PRDM16: variants seen among roughly 807,000 people sequenced by gnomAD.
The protein encoded by PRDM16 is PR/SET domain 16.
In PRDM16, 23 loss-of-function variants were observed where a neutral mutation model predicts 110.6. That is an observed-to-expected ratio of 0.21 (90% CI 0.15 to 0.29). PRDM16 has a LOEUF of 0.29. PRDM16 is among the 10% of genes least tolerant of loss of function. The probability of loss-of-function intolerance (pLI) is 1.00; values close to 1 mark genes in which losing one functional copy is unlikely to be tolerated. For missense variants in PRDM16, 1,615 were observed against 1,794.3 expected, an observed-to-expected ratio of 0.90 and a Z score of 1.81; for synonymous variants, 799 against 781.8, an observed-to-expected ratio of 1.02 and a Z score of -0.37.
At chr1:3,325,152 G>GTC (rs1281343668) in intron 3 of PRDM16, among the ~76,000 whole-genome samples, 4 of 152,334 alleles carry the variant, frequency 2.6e-5, no homozygotes, top group African/African-American at 9.6e-5. Flanking sequence ...AAACCCCCAG[G>GTC]TCCTTCTGAG....
intron 2 of PRDM16, among the ~76,000 whole-genome samples, chr1:3,194,172 G>A (rs903245848): frequency 6.6e-6 from 1 of 152,222 alleles, no homozygotes; most frequent in Non-Finnish European, 1.5e-5. Context: ...GCACTCGTCT[G>A]GCCTTCTGCA....
chr1:3,348,160 T>C (rs1448300516), intron 3 of PRDM16, among the ~76,000 whole-genome samples: 3 of 152,088 alleles, frequency 2.0e-5, no homozygotes, highest in Non-Finnish European at 4.4e-5. Context: ...CGTCCCAGCC[T>C]GGGGGGTCTG....
At chr1:3,186,530 TA>T in intron 2 of PRDM16, 56 bp downstream of exon 2, 1 of 1,195,162 alleles carries the variant, frequency 8.4e-7, no homozygotes, top group Non-Finnish European at 1.1e-6. Flanking sequence ...GTGTTCAATC[TA>T]TTTATAAAGC....
intron 2 of PRDM16, among the ~76,000 whole-genome samples, chr1:3,238,902 T>G (rs1265247499): frequency 6.6e-6 from 1 of 152,204 alleles, no homozygotes; most frequent in African/African-American, 2.4e-5. Flanking sequence ...TCACCTCAAC[T>G]CTGCAGCCCC....
At chr1:3,260,073 AC>A (rs893839006) in intron 3 of PRDM16, among the ~76,000 whole-genome samples, 2 of 152,086 alleles carry the variant, frequency 1.3e-5, no homozygotes, top group African/African-American at 4.8e-5. Flanking sequence ...CCTGCGGTGT[AC>A]CCCTCAGAGA....
intron 12 of PRDM16, among the ~76,000 whole-genome samples, chr1:3,421,909 CA>C (rs1484040838): frequency 4.7e-5 from 7 of 149,646 alleles, no homozygotes; most frequent in Non-Finnish European, 8.9e-5. Context: ...GGCAGGCAAA[CA>C]GACAGGAAGA....
intron 3 of PRDM16, among the ~76,000 whole-genome samples, chr1:3,318,092 A>G (rs1641654236): frequency 6.6e-6 from 1 of 152,218 alleles, no homozygotes; most frequent in Admixed American, 6.5e-5. Flanking sequence ...GGGTAATTGC[A>G]GTCATGAGCC....
At chr1:3,237,681 C>T (rs1188625651) in intron 2 of PRDM16, among the ~76,000 whole-genome samples, 3 of 152,230 alleles carry the variant, frequency 2.0e-5, no homozygotes, top group Non-Finnish European at 4.4e-5. Flanking sequence ...AAGGGAGATG[C>T]GCGCGGGGCC....
chr1:3,142,358 G>T (rs58619174), intron 1 of PRDM16, among the ~76,000 whole-genome samples: 2,456 of 152,380 alleles, frequency 0.016, 61 homozygotes, highest in African/African-American at 0.056. Flanking sequence ...CCGGGGGTGC[G>T]GTGGGGACCG....
chr1:3,353,155 A>G lies in PRDM16; in HGVS notation c.439-31997A>G, dbSNP rs755606704. The stretch of plus-strand genomic sequence containing the variant: ...AGACTCCCACGCAGGGACGTCCCTC[A>G]CAGCAGGATTTGCTGCTTCCTCCTG... On this transcript the variant is annotated intron_variant, in intron 3 of 16. Transcript: ENST00000270722. This position sits in a 1 kb window ranked among gnomAD's most constrained non-coding sequence, Gnocchi z 5.4. Among the ~76,000 whole-genome samples, 1 of 152,212 alleles carries G rather than the reference A, an allele frequency of 6.6e-6. No individual in the cohort carries two copies. Among genetic ancestry groups the G allele is most frequent in the Non-Finnish European group, 1.5e-5 (1 of 68,036 alleles).
chr1:3,179,075 C>T (rs1227243635), intron 1 of PRDM16, among the ~76,000 whole-genome samples: 5 of 152,250 alleles, frequency 3.3e-5, no homozygotes, highest in Admixed American at 2.6e-4. Flanking sequence ...CTGTCAGGGC[C>T]TTGGAGGAAC....
At position 3,438,435 on chromosome 1, in the gene PRDM16, GC is replaced by G. The variant is rs1486576593; in HGVS notation, c.*4625del. 5 of 203,868 alleles carry G rather than the reference GC, an allele frequency of 2.5e-5. No homozygotes were observed. In the Admixed American group the frequency reaches 3.0e-4, roughly 12 times the overall value. The allele number at this position is 203,868 out of a possible 1,614,324, so 12.6% of individuals were successfully genotyped here. ...CATGAAAAGAACAATTTTGCAAATT[GC>G]ATTCTGATGCTTGTGATGAACACAA... On this transcript the variant is annotated 3_prime_UTR_variant, in exon 17 of 17. Coordinates refer to ENST00000270722, the MANE Select transcript of PRDM16 (RefSeq NM_022114.4).
At chr1:3,145,214 TG>T (rs1643623539) in intron 1 of PRDM16, among the ~76,000 whole-genome samples, 1 of 152,184 alleles carries the variant, frequency 6.6e-6, no homozygotes, top group Non-Finnish European at 1.5e-5. Flanking sequence ...AGCTCCTGGT[TG>T]CTATCTAGGA....
At chr1:3,172,469 A>G (rs1644036424) in intron 1 of PRDM16, among the ~76,000 whole-genome samples, 1 of 152,192 alleles carries the variant, frequency 6.6e-6, no homozygotes, top group Admixed American at 6.5e-5. Context: ...CACGCCGTAG[A>G]TTCAGACGGC....
rs374504712 is a variant in PRDM16 at position 3,404,847 on chromosome 1, C to T, written c.993C>T (p.His331=). ...KSNLIRHQMS[H]DSGKRFECEN... is the part of the protein sequence containing the mutation. ...ACCTCATCCGCCACCAGATGTCCCA[C>T]GACAGCGGCAAACGCTTCGAATGTG... Residue 331 remains histidine (H), a synonymous_variant, in exon 7 of 17, where the codon CAC becomes CAT. Coordinates refer to ENST00000270722, the MANE Select transcript of PRDM16 (RefSeq NM_022114.4). 5.6e-6 allele frequency: 9 copies of T among 1,613,360 alleles called. No individual in the cohort carries two copies. The East Asian group carries it at 6.7e-5, about 12-fold the overall frequency.
chr1:3,087,303 G>A (rs79948317), intron 1 of PRDM16, among the ~76,000 whole-genome samples: 50 of 150,216 alleles, frequency 3.3e-4, no homozygotes, highest in African/African-American at 1.2e-3. Context: ...AGACCAGCCA[G>A]GGCCTCTCAC....
At chr1:3,304,955 C>T (rs757122725) in intron 3 of PRDM16, among the ~76,000 whole-genome samples, 11 of 152,172 alleles carry the variant, frequency 7.2e-5, no homozygotes, top group Non-Finnish European at 1.2e-4. Context: ...TGGTGCCCGG[C>T]GTCTGTGTCC....
rs1312391219 is a variant in PRDM16, at chr1:3,080,790, C to T, written c.37+11494C>T. On this transcript the variant is annotated intron_variant, in intron 1 of 16. Transcript: ENST00000270722. The surrounding 1 kb of genome is among the most constrained non-coding windows in gnomAD (Gnocchi z 5.2). ...TCCGGGCCGGGGAAATCTGAGCAGC[C>T]ACAGGCGAATCTGGGACGATGGCAG... 6.6e-6 allele frequency among the ~76,000 whole-genome samples: 1 copy of T among 152,122 alleles called. No individual in the cohort carries two copies. Among genetic ancestry groups the T allele is most frequent in the Non-Finnish European group, 1.5e-5 (1 of 68,030 alleles).
chr1:3,261,066 CG>C (rs1451538559), intron 3 of PRDM16, among the ~76,000 whole-genome samples: 1 of 148,630 alleles, frequency 6.7e-6, no homozygotes, highest in African/African-American at 2.5e-5. Flanking sequence ...GGGAGGACCC[CG>C]GGAGATAAGG....
Sources: gnomAD v4.1 joint callset for allele counts (sites outside exome capture counted in the v4.1 genomes callset) on GRCh38, gnomAD v4.1.1 for gene constraint, Gnocchi (gnomAD v3.1) non-coding constraint, MANE v1.5 for transcripts, NCBI Gene and HGNC (gene_info 2026-07-23, HGNC 2026-07-21) for gene names.